AP3D1: variants seen among roughly 807,000 people sequenced by gnomAD.
AP3D1 encodes the protein AP-3 complex subunit delta-1.
AP3D1 carries 51 observed loss-of-function variants against 147.6 expected under a neutral mutation model. The ratio of observed to expected loss-of-function variants is 0.35; its 90% CI spans 0.28 to 0.44. AP3D1 has a LOEUF of 0.44. Ranked by LOEUF, AP3D1 falls within the 20% of genes least tolerant of loss-of-function variation. The pLI is 1.00. For synonymous variants in AP3D1, 760 were observed against 663.0 expected, an observed-to-expected ratio of 1.15 and a Z score of -2.25; for missense variants, 1,421 against 1,624.2, an observed-to-expected ratio of 0.87 and a Z score of 2.15.
intron 5 of AP3D1, 50 bp downstream of exon 5, chr19:2,132,421 T>C: frequency 6.5e-7 from 1 of 1,529,556 alleles, no homozygotes; most frequent in Non-Finnish European, 9.0e-7. Context: ...TTTGACCGAG[T>C]TTTTCCCAGA....
intron 4 of AP3D1, among the ~76,000 whole-genome samples, chr19:2,136,323 G>A (rs1054387639): frequency 2.6e-5 from 4 of 152,206 alleles, no homozygotes; most frequent in Admixed American, 6.5e-5. Flanking sequence ...AGGTCACACT[G>A]TGGGGTCGAC....
At chr19:2,126,462 T>C (rs1275004887) in intron 9 of AP3D1, among the ~76,000 whole-genome samples, 1 of 152,002 alleles carries the variant, frequency 6.6e-6, no homozygotes, top group East Asian at 1.9e-4. Flanking sequence ...GAGACCAGCC[T>C]GATCAATGTA....
At chr19:2,163,013 C>A (rs1486280224) in intron 1 of AP3D1, among the ~76,000 whole-genome samples, 2 of 152,100 alleles carry the variant, frequency 1.3e-5, no homozygotes, top group Non-Finnish European at 2.9e-5. Context: ...TTGTTCATCC[C>A]TGGGCATAGG....
chr19:2,164,335 AC>A (rs562260174), intron 1 of AP3D1: 13 of 1,100,960 alleles, frequency 1.2e-5, no homozygotes, highest in African/African-American at 3.3e-5. Flanking sequence ...GACACCCCAA[AC>A]CCCCCCAAGC....
At chr19:2,152,217 C>T (rs2019550666), upstream of AP3D1, among the ~76,000 whole-genome samples, 2 of 151,436 alleles carry the variant, frequency 1.3e-5, no homozygotes, top group Non-Finnish European at 2.9e-5. Context: ...CCCTGCCTTC[C>T]GAGATACATC....
At chr19:2,139,223 T>C (rs1303038401) in intron 1 of AP3D1, among the ~76,000 whole-genome samples, 1 of 152,092 alleles carries the variant, frequency 6.6e-6, no homozygotes, top group Non-Finnish European at 1.5e-5. Flanking sequence ...GTTCGCTTTC[T>C]TTCTAGGCTG....
chr19:2,103,353 G>A (rs1297260396), intron 31 of AP3D1, among the ~76,000 whole-genome samples: 1 of 152,176 alleles, frequency 6.6e-6, no homozygotes, highest in African/African-American at 2.4e-5. Flanking sequence ...GGCAGCCGGG[G>A]ATGAAGACCA....
intron 1 of AP3D1, among the ~76,000 whole-genome samples, chr19:2,163,849 C>G (rs2019802412): frequency 6.7e-6 from 1 of 149,868 alleles, no homozygotes; most frequent in Non-Finnish European, 1.5e-5. Context: ...CGGGTCGGCC[C>G]GCTGGGCGGC....
At chr19:2,107,229 C>A (rs2018135391) in intron 31 of AP3D1, among the ~76,000 whole-genome samples, 1 of 149,890 alleles carries the variant, frequency 6.7e-6, no homozygotes, top group African/African-American at 2.5e-5. Context: ...CACTGCAGTC[C>A]AGCCTGGGCG....
rs761975746 is a variant in AP3D1 at position 2,118,673 on chromosome 19, C to A, written c.1641G>T (p.Gln547His). ...GGTCCACCATGAGCTGGGTGACGGCCTGAGCGCCCTCTGCCTCCCCGGCCT... is the reference window on the plus strand; with the variant it reads ...GGTCCACCATGAGCTGGGTGACGGCATGAGCGCCCTCTGCCTCCCCGGCCT... ...KEQAGEAEGA[Q>H]AVTQLMVDRL... The change falls in exon 15 of 32, where the codon CAG becomes CAT. Residue 547 changes from glutamine to histidine, a missense_variant. Gln to His is a conservative substitution (Grantham distance 24). Around this residue, in one of 6 missense-constraint regions of AP3D1, gnomAD observed 310 missense variants for 388.1 expected, o/e 0.80. Coordinates refer to ENST00000643116, the MANE Select transcript of AP3D1 (RefSeq NM_001261826.3). The A allele has an allele frequency of 1.8e-5, 29 of 1,613,156 alleles. No homozygotes were observed. In the Admixed American group the frequency reaches 4.7e-4, roughly 26 times the overall value.
Position 2,133,777 on chromosome 19 carries a change from C to T in AP3D1, c.355-1199G>A, listed in dbSNP as rs571353895. Among the ~76,000 whole-genome samples, 156 of 150,016 alleles carry T rather than the reference C, an allele frequency of 1.0e-3. 1 individual carries two copies. Among genetic ancestry groups the T allele is most frequent in the African/African-American group, 3.7e-3 (153 of 41,128 alleles). ...ATGGCCTCCCAAAGTGCTGGGATTA[C>T]AGGCGTGAGCCACAGTGCGGGGCCA... is the stretch of plus-strand genomic sequence containing the variant. On this transcript the variant is annotated intron_variant, in intron 4 of 31. Transcript: ENST00000643116.
intron 16 of AP3D1, 25 bp from the exon 17 acceptor site, chr19:2,116,771 A>G (rs1160206561): frequency 6.3e-7 from 1 of 1,590,672 alleles, no homozygotes; most frequent in Middle Eastern, 1.7e-4. Context: ...AGGGCCACAC[A>G]AGGCAGTGTG....
rs901956775 is a variant in AP3D1, at chr19:2,102,031, T to C, written c.*142A>G. On this transcript the variant is annotated 3_prime_UTR_variant, in exon 32 of 32. Transcript: ENST00000643116. Reference sequence around the variant, plus strand: ...ATTCAACGCAACAAATGACCTCGGATGTCTACACGGCGGACAACATAGAGT... The same window carrying C: ...ATTCAACGCAACAAATGACCTCGGACGTCTACACGGCGGACAACATAGAGT... The C allele has an allele frequency of 6.2e-6, 4 of 647,728 alleles. No individual in the cohort carries two copies. Among genetic ancestry groups the C allele is most frequent in the Non-Finnish European group, 2.7e-6 (1 of 369,540 alleles). The allele number at this position is 647,728 out of a possible 1,614,324, so 40.1% of individuals were successfully genotyped here. A position where few individuals can be genotyped will look rare whatever the true frequency, so the allele number is the denominator to read the frequency against.
chr19:2,131,547 A>G, intron 5 of AP3D1, among the ~76,000 whole-genome samples: 1 of 127,928 alleles, frequency 7.8e-6, no homozygotes, highest in African/African-American at 3.4e-5. Context: ...CCCGGTGGAC[A>G]GGCAGCCACG....
At chr19:2,127,329 G>T in intron 8 of AP3D1, 128 bp from the exon 9 acceptor site, 1 of 982,026 alleles carries the variant, frequency 1.0e-6, no homozygotes, top group Non-Finnish European at 1.5e-6. Flanking sequence ...CCAGGAGGGA[G>T]CCCGTGCCTT....
upstream of AP3D1, among the ~76,000 whole-genome samples, chr19:2,151,753 CTT>C (rs2019525907): frequency 6.6e-6 from 1 of 152,254 alleles, no homozygotes; most frequent in African/African-American, 2.4e-5. Context: ...GGCCCCAAAA[CTT>C]GCGCTCTCAT....
At chr19:2,156,025 C>A (rs1259056256), upstream of AP3D1, among the ~76,000 whole-genome samples, 1 of 150,360 alleles carries the variant, frequency 6.7e-6, no homozygotes, top group Non-Finnish European at 1.5e-5. Flanking sequence ...TGCACTCCAG[C>A]CTGGACGACA....
chr19:2,148,157 AAAAAAAG>A (rs1228348918), intron 1 of AP3D1, among the ~76,000 whole-genome samples: 5 of 151,932 alleles, frequency 3.3e-5, no homozygotes, highest in African/African-American at 9.7e-5. Flanking sequence ...AAAAAAAAAA[AAAAAAAG>A]AAAAAGAAAA....
At chr19:2,144,561 G>A (rs1028059061) in intron 1 of AP3D1, among the ~76,000 whole-genome samples, 5 of 152,222 alleles carry the variant, frequency 3.3e-5, no homozygotes, top group African/African-American at 4.8e-5. Flanking sequence ...TGTAACTTGC[G>A]GCCCCTCAGC....
Sources: allele counts gnomAD v4.1 joint callset (sites outside exome capture counted in the v4.1 genomes callset), GRCh38; gene constraint gnomAD v4.1.1; regional missense constraint gnomAD v4.1.1; transcripts MANE v1.5; gene names NCBI Gene and HGNC (gene_info 2026-07-23, HGNC 2026-07-21).